SMOC1: variants seen among roughly 807,000 people sequenced by gnomAD.
SMOC1 encodes SPARC related modular calcium binding 1, also known as SPARC-related modular calcium-binding protein 1.
Under a neutral mutation model 56.3 loss-of-function variants are expected in SMOC1, and 22 were observed. The observed-to-expected ratio is 0.39, with a 90% CI of 0.28 to 0.56. The LOEUF (loss-of-function observed/expected upper bound fraction) is 0.56. Among genes scored for constraint, SMOC1 ranks in the 20% least tolerant of loss-of-function variants. The pLI is 0.61. For missense variants in SMOC1, 509 were observed against 565.4 expected (o/e 0.90, Z 1.01); for synonymous variants, 193 against 215.0 (o/e 0.90, Z 0.89).
intron 1 of SMOC1, among the ~76,000 whole-genome samples, chr14:69,918,732 C>A (rs1884753844): frequency 1.3e-5 from 2 of 152,144 alleles, no homozygotes; most frequent in Non-Finnish European, 2.9e-5. Flanking sequence ...CACCTAGAAC[C>A]TGGCAAAAAA....
chr14:69,884,063 C>T lies in SMOC1; in HGVS notation c.99+4286C>T, dbSNP rs950876232. ...CTGGGACTACAGGCGCCCGCCACCGCGCCCGGCTAATTTTTTGTATTTTTA... is the reference window on the plus strand; with the variant it reads ...CTGGGACTACAGGCGCCCGCCACCGTGCCCGGCTAATTTTTTGTATTTTTA... On this transcript the variant is annotated intron_variant, in intron 1 of 11. Coordinates refer to ENST00000361956, the MANE Select transcript of SMOC1 (RefSeq NM_001034852.3). Among the ~76,000 whole-genome samples, 8 of 151,138 alleles carry T rather than the reference C, an allele frequency of 5.3e-5. No homozygotes were observed. The South Asian group carries it at 6.3e-4, about 12-fold the overall frequency.
chr14:69,981,680 A>G (rs937229611), intron 5 of SMOC1, among the ~76,000 whole-genome samples: 1 of 152,206 alleles, frequency 6.6e-6, no homozygotes, highest in African/African-American at 2.4e-5. Flanking sequence ...GAAGAAGTAG[A>G]GATAGAGGTA....
chr14:69,993,602 G>A (rs1235903339), intron 6 of SMOC1, among the ~76,000 whole-genome samples: 3 of 152,188 alleles, frequency 2.0e-5, no homozygotes, highest in South Asian at 4.1e-4. Context: ...GCTCTGAGGA[G>A]GATTGAAATG....
chr14:69,926,770 T>A (rs2139381864), intron 1 of SMOC1, among the ~76,000 whole-genome samples: 1 of 152,334 alleles, frequency 6.6e-6, no homozygotes, highest in African/African-American at 2.4e-5. Flanking sequence ...CAAAGAGCCA[T>A]AATTGGGTGT....
At chr14:69,889,811 T>A (rs1045281405) in intron 1 of SMOC1, among the ~76,000 whole-genome samples, 3 of 152,230 alleles carry the variant, frequency 2.0e-5, no homozygotes, top group African/African-American at 7.2e-5. Flanking sequence ...TCTGCCTGCA[T>A]TCCTCGGCTT....
At chr14:69,916,478 C>T (rs774239085) in intron 1 of SMOC1, among the ~76,000 whole-genome samples, 1 of 152,144 alleles carries the variant, frequency 6.6e-6, no homozygotes, top group South Asian at 2.1e-4. Flanking sequence ...CACTCCTCTG[C>T]TGCCCATTTT....
rs45486993 is a variant in SMOC1 at position 70,031,059 on chromosome 14, T to C, written c.*801T>C. 1.6e-4 allele frequency: 24 copies of C among 152,294 alleles called. No individual in the cohort carries two copies. The highest frequency in any genetic ancestry group is 2.9e-4 in the Non-Finnish European group (20 of 68,036). The allele number at this position is 152,294 out of a possible 1,614,324, so 9.4% of individuals were successfully genotyped here. A position where few individuals can be genotyped will look rare whatever the true frequency, so the allele number is the denominator to read the frequency against. On this transcript the variant is annotated 3_prime_UTR_variant, in exon 12 of 12. Transcript: ENST00000361956. Reference sequence around the variant, plus strand: ...CAGCATTGGTGGGTGCACCAGTATCTTAGTGACCCTCGGAGCAAATTATCC... The same window carrying C: ...CAGCATTGGTGGGTGCACCAGTATCCTAGTGACCCTCGGAGCAAATTATCC...
chr14:69,954,923 G>A (rs191320845), intron 3 of SMOC1, among the ~76,000 whole-genome samples: 2 of 152,326 alleles, frequency 1.3e-5, no homozygotes, highest in East Asian at 3.9e-4. Context: ...TTCTGTTGAG[G>A]TAGAAATGTA....
At chr14:69,986,008 G>T (rs1039112575) in intron 5 of SMOC1, among the ~76,000 whole-genome samples, 6 of 152,154 alleles carry the variant, frequency 3.9e-5, no homozygotes, top group African/African-American at 1.4e-4. Context: ...GTCTTGGAAG[G>T]TATCTGCTGT....
chr14:69,953,420 A>G lies in SMOC1; in HGVS notation c.266A>G (p.Asp89Gly), dbSNP rs1883075078. Reference protein sequence around the residue: ...LGVVHRGRCKDAGQSKCRLER... With the variant: ...LGVVHRGRCKGAGQSKCRLER... The stretch of plus-strand genomic sequence containing the variant: ...GAAATCTGCTCCTCTCCTCTTTCAG[A>G]TGCTGGCCAGAGCAAGTGTCGCCTG... The change falls in exon 3 of 12, where the codon GAT (aspartate) becomes GGT (glycine). Residue 89 changes from aspartate (D) to glycine (G), a missense_variant and splice_region_variant. Around this residue, in one of 3 missense-constraint regions of SMOC1, gnomAD observed 315 missense variants for 333.1 expected, o/e 0.95. Coordinates refer to ENST00000361956, the MANE Select transcript of SMOC1 (RefSeq NM_001034852.3). The G allele has an allele frequency of 6.2e-7, 1 of 1,614,088 alleles. No homozygotes were observed.
intron 3 of SMOC1, among the ~76,000 whole-genome samples, chr14:69,970,669 G>A (rs1224547348): frequency 6.6e-6 from 1 of 152,154 alleles, no homozygotes; most frequent in African/African-American, 2.4e-5. Flanking sequence ...TTGTCTATAT[G>A]TGTTGTTCAT....
intron 1 of SMOC1, among the ~76,000 whole-genome samples, chr14:69,895,847 T>TC (rs1315595171): frequency 1.3e-5 from 2 of 148,276 alleles, no homozygotes; most frequent in African/African-American, 4.9e-5. Context: ...ACCTTTTTTT[T>TC]TCCTTCCTTC....
chr14:69,953,837 T>G (rs1478005484), intron 3 of SMOC1, among the ~76,000 whole-genome samples: 1 of 152,126 alleles, frequency 6.6e-6, no homozygotes, highest in Non-Finnish European at 1.5e-5. Context: ...GCTTTTCTCT[T>G]CTGTTAAATG....
chr14:69,973,300 C>G (rs1883842871), intron 3 of SMOC1, among the ~76,000 whole-genome samples: 1 of 152,220 alleles, frequency 6.6e-6, no homozygotes, highest in Non-Finnish European at 1.5e-5. Context: ...CACTCCATAT[C>G]CAGCCTTCGC....
At chr14:69,961,972 C>T (rs527260379) in intron 3 of SMOC1, among the ~76,000 whole-genome samples, 4 of 152,228 alleles carry the variant, frequency 2.6e-5, no homozygotes, top group African/African-American at 9.6e-5. Flanking sequence ...AGTGGTATCT[C>T]ATGGTGTTTG....
At chr14:69,945,907 G>A (rs530116259) in intron 1 of SMOC1, among the ~76,000 whole-genome samples, 6 of 152,254 alleles carry the variant, frequency 3.9e-5, no homozygotes, top group African/African-American at 1.4e-4. Context: ...AAAAATATAC[G>A]AGTATGCATA....
intron 1 of SMOC1, among the ~76,000 whole-genome samples, chr14:69,932,683 C>T (rs1007972835): frequency 3.3e-5 from 5 of 152,142 alleles, no homozygotes; most frequent in African/African-American, 9.7e-5. Flanking sequence ...TCCTGGGGAC[C>T]GACCCCTGTG....
rs141169083 is a variant in SMOC1, at chr14:69,986,467, G to A, written c.527-5950G>A. Reference sequence around the variant, plus strand: ...ATATCAGTGTCCCGATTTTGATTTTGTACTAATTATGCCACCCAGATAATT... The same window carrying A: ...ATATCAGTGTCCCGATTTTGATTTTATACTAATTATGCCACCCAGATAATT... On this transcript the variant is annotated intron_variant, in intron 5 of 11. Transcript: ENST00000361956. 1.3e-4 allele frequency among the ~76,000 whole-genome samples: 20 copies of A among 152,218 alleles called. No individual in the cohort carries two copies. In the East Asian group the frequency reaches 3.9e-3, roughly 29 times the overall value.
intron 1 of SMOC1, among the ~76,000 whole-genome samples, chr14:69,883,859 G>A (rs1883714187): frequency 7.4e-6 from 1 of 134,766 alleles, no homozygotes; most frequent in Admixed American, 7.6e-5. Context: ...TGGTTTGAAT[G>A]CATTTCCCTG....
Sources: allele counts gnomAD v4.1 joint callset (sites outside exome capture counted in the v4.1 genomes callset), GRCh38; gene constraint gnomAD v4.1.1; regional missense constraint gnomAD v4.1.1; transcripts MANE v1.5; gene names NCBI Gene and HGNC (gene_info 2026-07-23, HGNC 2026-07-21).